Variants in FCRL5 observed in about 807,000 individuals in gnomAD.
FCRL5 encodes the protein Fc receptor-like protein 5.
A neutral mutation model predicts 92.1 loss-of-function variants in FCRL5; 79 were observed. The ratio of observed to expected loss-of-function variants is 0.86; its 90% CI spans 0.72 to 1.03. The LOEUF is 1.03. Ranked by LOEUF, FCRL5 falls within the 50% of genes least tolerant of loss-of-function variation. The pLI, the probability that FCRL5 is intolerant of heterozygous loss-of-function variation, is 0.00. For missense variants in FCRL5, 1,160 were observed against 1,181.1 expected (o/e 0.98, Z 0.26); for synonymous variants, 466 against 469.3 (o/e 0.99, Z 0.09).
chr1:157,538,460 T>C (rs1300021675), intron 7 of FCRL5, among the ~76,000 whole-genome samples: 2 of 152,224 alleles, frequency 1.3e-5, no homozygotes, highest in Non-Finnish European at 2.9e-5. Flanking sequence ...CTTTTTGATG[T>C]CATAACTATT....
intron 8 of FCRL5, among the ~76,000 whole-genome samples, chr1:157,529,412 G>C (rs1025336754): frequency 2.0e-5 from 3 of 152,120 alleles, no homozygotes; most frequent in African/African-American, 7.2e-5. Flanking sequence ...ACTAAAAGTA[G>C]AACTACCATT....
chr1:157,519,506 T>C (rs1394339387), intron 13 of FCRL5, among the ~76,000 whole-genome samples: 1 of 152,188 alleles, frequency 6.6e-6, no homozygotes, highest in Non-Finnish European at 1.5e-5. Context: ...TGTGGGTTAA[T>C]AAATGAAAAG....
intron 1 of FCRL5, 87 bp from the exon 2 acceptor site, chr1:157,549,667 A>T: frequency 1.7e-6 from 2 of 1,193,296 alleles, no homozygotes; most frequent in Non-Finnish European, 1.2e-6. Context: ...CCATGCATGT[A>T]TTACTTGTCC....
Position 157,524,435 on chromosome 1 carries a change from G to A in FCRL5, c.2083C>T (p.His695Tyr), listed in dbSNP as rs762961843. Residue 695 changes from histidine to tyrosine, a missense_variant, in exon 10 of 17, where the codon CAT (histidine) becomes TAT (tyrosine). Transcript: ENST00000361835. ...GSSPILYWFY[H>Y]EDVTLGKISA... ...ATCTTACCCAGGGTGACATCTTCATGATAAAACCAGTACAGGATTGGGGAG... is the reference window on the plus strand; with the variant it reads ...ATCTTACCCAGGGTGACATCTTCATAATAAAACCAGTACAGGATTGGGGAG... 1 of 1,614,212 alleles carries A rather than the reference G, an allele frequency of 6.2e-7. No individual in the cohort carries two copies. The highest frequency in any genetic ancestry group is 1.1e-5 in the South Asian group (1 of 91,084).
intron 9 of FCRL5, among the ~76,000 whole-genome samples, chr1:157,525,918 G>T (rs911039631): frequency 6.6e-6 from 1 of 152,138 alleles, no homozygotes. Flanking sequence ...TTTGAGTGAA[G>T]GTATGTCATG....
In FCRL5 at chr1:157,524,345, A is replaced by G; in HGVS notation, c.2173T>C (p.Tyr725His). The G allele has an allele frequency of 6.2e-7, 1 of 1,614,270 alleles. No individual in the cohort carries two copies. Among genetic ancestry groups the G allele is most frequent in the Non-Finnish European group, 8.5e-7 (1 of 1,180,036 alleles). ...LSLTTEHSGI[Y>H]SCEADNGLEA... ...AGACCATTGTCTGCCTCACAGGAGT[A>G]GATTCCAGAATGTTCTGTAGTCAGA... Residue 725 changes from tyrosine to histidine, a missense_variant, in exon 10 of 17, where the codon TAC (tyrosine) becomes CAC (histidine). Transcript: ENST00000361835.
intron 2 of FCRL5, among the ~76,000 whole-genome samples, chr1:157,549,348 G>C (rs1461754852): frequency 1.3e-5 from 2 of 151,914 alleles, no homozygotes; most frequent in African/African-American, 4.8e-5. Context: ...TGACGAGTTA[G>C]TGGGTGCAGC....
chr1:157,537,865 T>C (rs2012712), intron 7 of FCRL5, among the ~76,000 whole-genome samples: 110,038 of 152,136 alleles, frequency 0.72, 42,902 homozygotes, highest in South Asian at 0.86. Context: ...TTTCTCACTT[T>C]CCAACTCAGA....
chr1:157,519,631 A>G lies in FCRL5; in HGVS notation c.2660+112T>C, dbSNP rs551825667. ...GTACAACAGGTAGTGGCCACACCCC[A>G]GCTCAGCAGCACCTGGCAGAAACTG... On this transcript the variant is annotated intron_variant, in intron 13 of 16. Transcript: ENST00000361835. The G allele has an allele frequency of 1.1e-4, 137 of 1,217,410 alleles. No homozygotes were observed. In the African/African-American group the frequency reaches 1.9e-3, roughly 17 times the overall value. The allele number at this position is 1,217,410 out of a possible 1,614,324, so 75.4% of individuals were successfully genotyped here.
chr1:157,518,784 T>C lies in FCRL5; in HGVS notation c.2661-2A>G, dbSNP rs1297148945. On this transcript the variant is annotated splice_acceptor_variant, in intron 13 of 16. Coordinates refer to ENST00000361835, the MANE Select transcript of FCRL5 (RefSeq NM_031281.3). LOFTEE classifies it high-confidence loss of function. The stretch of plus-strand genomic sequence containing the variant: ...TGGGAGTCCGAGTCTGAAGGGCTCC[T>C]GTGAGACAGAGAAATGTGAATGTTT... 1.1e-5 allele frequency: 17 copies of C among 1,609,124 alleles called. No homozygotes were observed. In the Admixed American group the frequency reaches 1.8e-4, roughly 17 times the overall value.
At chr1:157,521,358 T>C in intron 10 of FCRL5, 66 bp from the exon 11 acceptor site, 1 of 1,502,436 alleles carries the variant, frequency 6.7e-7, no homozygotes, top group Non-Finnish European at 8.9e-7. Flanking sequence ...ACAAAAGGTA[T>C]CATAAACAAA....
chr1:157,534,189 C>T, intron 8 of FCRL5: 1 of 452,744 alleles, frequency 2.2e-6, no homozygotes, highest in South Asian at 2.2e-5. Flanking sequence ...CTTTGTTCAC[C>T]AGCAGCTTTC....
At chr1:157,543,767 G>A (rs1283683826) in intron 5 of FCRL5, among the ~76,000 whole-genome samples, 1 of 152,142 alleles carries the variant, frequency 6.6e-6, no homozygotes, top group Non-Finnish European at 1.5e-5. Context: ...ATGTAATCTG[G>A]GGTGCATATT....
intron 6 of FCRL5, among the ~76,000 whole-genome samples, 153 bp from the exon 7 acceptor site, chr1:157,539,517 C>T (rs1651148241): frequency 6.6e-6 from 1 of 152,158 alleles, no homozygotes; most frequent in African/African-American, 2.4e-5. Flanking sequence ...TTATTTTATT[C>T]CTTAATAAGA....
Position 157,534,628 on chromosome 1 carries a change from C to A in FCRL5, c.1667G>T (p.Ser556Ile), listed in dbSNP as rs1650861927. Residue 556 changes from serine to isoleucine, a missense_variant, in exon 8 of 17, where the codon AGC becomes ATC. Physicochemically the swap from Ser to Ile is moderately radical, Grantham distance 142 (BLOSUM62 -2). Transcript: ENST00000361835. ...GFGPQRSEVV[S>I]LFVTVPVSRP... ...CCAGCACTTACCAGTGACAAAAAGGCTCACCACTTCACTGCGCTGGGGACC... is the reference window on the plus strand; with the variant it reads ...CCAGCACTTACCAGTGACAAAAAGGATCACCACTTCACTGCGCTGGGGACC... 3 of 1,614,068 alleles carry A rather than the reference C, an allele frequency of 1.9e-6. No individual in the cohort carries two copies. Among genetic ancestry groups the A allele is most frequent in the African/African-American group, 2.7e-5 (2 of 74,912 alleles).
intron 6 of FCRL5, among the ~76,000 whole-genome samples, chr1:157,540,498 T>C (rs1336489651): frequency 6.6e-6 from 1 of 151,838 alleles, no homozygotes; most frequent in Non-Finnish European, 1.5e-5. Context: ...CAAACACCAT[T>C]TGCATGTGTT....
Position 157,552,470 on chromosome 1 carries a change from G to A in FCRL5, c.-108C>T. The stretch of plus-strand genomic sequence containing the variant: ...GGACACTGCACACCAGCTCCAAGGA[G>A]CACATCTGAGAAGCTGTGCTCTCAA... On this transcript the variant is annotated 5_prime_UTR_variant, in exon 1 of 17. Coordinates refer to ENST00000361835, the MANE Select transcript of FCRL5 (RefSeq NM_031281.3). The A allele has an allele frequency of 5.3e-6, 6 of 1,129,908 alleles. 1 individual carries two copies. Among genetic ancestry groups the A allele is most frequent in the South Asian group, 5.0e-5 (4 of 79,966 alleles). 70.0% of individuals were successfully genotyped at this position (1,129,908 alleles called of 1,614,324 possible).
At chr1:157,518,200 GT>G (rs1171553513) in intron 15 of FCRL5, among the ~76,000 whole-genome samples, 1 of 152,234 alleles carries the variant, frequency 6.6e-6, no homozygotes, top group East Asian at 1.9e-4. Context: ...CAAAAAGATA[GT>G]TTTGTTATTC....
chr1:157,530,702 G>A (rs188365623), intron 8 of FCRL5, among the ~76,000 whole-genome samples: 2 of 152,318 alleles, frequency 1.3e-5, no homozygotes, highest in African/African-American at 2.4e-5. Context: ...CCATTGTATA[G>A]ATATGCTATA....
Sources: gnomAD v4.1 joint callset for allele counts (sites outside exome capture counted in the v4.1 genomes callset) on GRCh38, gnomAD v4.1.1 for gene constraint, MANE v1.5 for transcripts, NCBI Gene and HGNC (gene_info 2026-07-23, HGNC 2026-07-21) for gene names.